The following ATG2B variants were observed in gnomAD, a reference collection of about 807,000 sequenced individuals.
ATG2B encodes autophagy related 2B.
A neutral mutation model predicts 241.3 loss-of-function variants in ATG2B; 121 were observed. That is an observed-to-expected ratio of 0.50 (90% CI 0.43 to 0.58). The LOEUF (loss-of-function observed/expected upper bound fraction) is 0.58, where lower values mean the gene tolerates loss of function less well. ATG2B is among the 20% of genes least tolerant of loss of function. ATG2B has a pLI of 0.00. For missense variants in ATG2B, 2,306 were observed against 2,491.6 expected (o/e 0.93, Z 1.59); for synonymous variants, 858 against 876.6 (o/e 0.98, Z 0.37).
At chr14:96,317,070 A>T in intron 20 of ATG2B, 75 bp downstream of exon 20, 1 of 1,298,692 alleles carries the variant, frequency 7.7e-7, no homozygotes. Context: ...TACTTCAATC[A>T]CTAGATATGT....
At chr14:96,332,225 AAAAG>A (rs1455752992) in intron 10 of ATG2B, 76 bp downstream of exon 10, 13 of 1,189,086 alleles carry the variant, frequency 1.1e-5, no homozygotes, top group East Asian at 2.4e-5. Context: ...AAAAAAAAAA[AAAAG>A]AAAGAAAAGC....
chr14:96,309,408 C>T (rs536349099), intron 29 of ATG2B, 45 bp downstream of exon 29: 16 of 1,550,494 alleles, frequency 1.0e-5, no homozygotes, highest in South Asian at 8.6e-5. Context: ...TAAAGTAAGC[C>T]CCAACATTAA....
intron 26 of ATG2B, 65 bp downstream of exon 26, chr14:96,312,024 T>C: frequency 8.1e-7 from 1 of 1,233,756 alleles, no homozygotes; most frequent in Non-Finnish European, 1.2e-6. Flanking sequence ...TTAAAATGCT[T>C]TAAAATTATT....
At chr14:96,340,103 A>ATC (rs1566731488) in intron 6 of ATG2B, among the ~76,000 whole-genome samples, 1 of 103,840 alleles carries the variant, frequency 9.6e-6, no homozygotes, top group Non-Finnish European at 2.0e-5. Context: ...TGCTATATAG[A>ATC]ATATATGATA....
chr14:96,328,304 T>C (rs1166548318), intron 14 of ATG2B, 43 bp downstream of exon 14: 3 of 1,413,414 alleles, frequency 2.1e-6, no homozygotes, highest in South Asian at 1.4e-5. Context: ...CCCTATTAGC[T>C]AACCATAATT....
chr14:96,295,643 A>C, intron 34 of ATG2B, 83 bp from the exon 35 acceptor site: 7 of 876,700 alleles, frequency 8.0e-6, no homozygotes, highest in East Asian at 2.6e-5. Context: ...TCTTAAACTC[A>C]TATATTTTAC....
intron 34 of ATG2B, among the ~76,000 whole-genome samples, chr14:96,298,792 G>A (rs978795774): frequency 6.6e-6 from 1 of 152,174 alleles, no homozygotes; most frequent in East Asian, 1.9e-4. Flanking sequence ...ACGTCTTCAC[G>A]GTAAGGAAAA....
chr14:96,317,091 A>T, intron 20 of ATG2B, 54 bp downstream of exon 20: 12 of 1,456,704 alleles, frequency 8.2e-6, no homozygotes, highest in Non-Finnish European at 1.1e-5. Flanking sequence ...ATCCTAGCAG[A>T]TTTATTTAAA....
Position 96,289,420 on chromosome 14 carries a change from T to C in ATG2B, c.6006+236A>G. ...ATCACTCCCTGAGTGCTTCTGCAGG[T>C]GAAGAGAGAGAATCCATCCACCCAC... On this transcript the variant is annotated intron_variant, in intron 41 of 41. Transcript: ENST00000359933. This position sits in a 1 kb window ranked among gnomAD's most constrained non-coding sequence, Gnocchi z 4.3. 2.4e-6 allele frequency: 1 copy of C among 414,160 alleles called. No homozygotes were observed. The highest frequency in any genetic ancestry group is 4.3e-5 in the East Asian group (1 of 23,166). 25.7% of individuals were successfully genotyped at this position (414,160 alleles called of 1,614,324 possible).
In ATG2B at chr14:96,281,694, T is replaced by G. The variant is rs540062611; in HGVS notation, c.*4061A>C. Reference sequence around the variant, plus strand: ...AGGGAGGTGCTGCTACCCGGGACATTAGAGATATAACTGAGCCAGCTGAGA... The same window carrying G: ...AGGGAGGTGCTGCTACCCGGGACATGAGAGATATAACTGAGCCAGCTGAGA... On this transcript the variant is annotated 3_prime_UTR_variant, in exon 42 of 42. Transcript: ENST00000359933. The G allele has an allele frequency of 6.6e-6, 1 of 152,212 alleles. No individual in the cohort carries two copies. Among genetic ancestry groups the G allele is most frequent in the Non-Finnish European group, 1.5e-5 (1 of 68,034 alleles). 9.4% of individuals were successfully genotyped at this position (152,212 alleles called of 1,614,324 possible).
At chr14:96,327,222 G>A (rs1272273689) in intron 14 of ATG2B, among the ~76,000 whole-genome samples, 1 of 90,450 alleles carries the variant, frequency 1.1e-5, no homozygotes, top group African/African-American at 4.5e-5. Context: ...GGCAACAGAT[G>A]TCTGTCTCAA....
rs141344199 is a variant in ATG2B, at chr14:96,297,676, C to T, written c.5140-2116G>A. Among the ~76,000 whole-genome samples the T allele has an allele frequency of 8.3e-3, 1,270 of 152,268 alleles. 16 individuals are homozygous for T. The highest frequency in any genetic ancestry group is 0.029 in the African/African-American group (1,207 of 41,556). ...CCTCCCAAAGTGCTGAGATTACAGG[C>T]GTGAGCCACCGCACCCGGCCACTAA... On this transcript the variant is annotated intron_variant, in intron 34 of 41. Transcript: ENST00000359933.
In ATG2B at chr14:96,315,637, C is replaced by T. The variant is rs569105019; in HGVS notation, c.3362-54G>A. ...TAACAAAATGATTACTTGAAATTAGCTAATCAACTTACATGACTCAAAACA... is the reference window on the plus strand; with the variant it reads ...TAACAAAATGATTACTTGAAATTAGTTAATCAACTTACATGACTCAAAACA... On this transcript the variant is annotated intron_variant, in intron 21 of 41. Coordinates refer to ENST00000359933, the MANE Select transcript of ATG2B (RefSeq NM_018036.7). The T allele has an allele frequency of 5.3e-5, 75 of 1,424,894 alleles. 1 individual carries two copies. The South Asian group carries it at 8.6e-4, about 16-fold the overall frequency. The allele number at this position is 1,424,894 out of a possible 1,614,324, so 88.3% of individuals were successfully genotyped here.
intron 30 of ATG2B, 124 bp downstream of exon 30, chr14:96,306,590 A>T (rs889795288): frequency 4.3e-5 from 17 of 392,270 alleles, no homozygotes; most frequent in African/African-American, 3.7e-4. Context: ...TAGTATATTA[A>T]AAAAAAAAAA....
intron 28 of ATG2B, among the ~76,000 whole-genome samples, chr14:96,310,451 GA>G (rs1158411603): frequency 6.6e-6 from 1 of 152,054 alleles, no homozygotes; most frequent in Non-Finnish European, 1.5e-5. Flanking sequence ...CAATGAAAAA[GA>G]AAAAATGCTA....
At chr14:96,329,006 C>G (rs1395757394) in intron 12 of ATG2B, among the ~76,000 whole-genome samples, 2 of 152,212 alleles carry the variant, frequency 1.3e-5, no homozygotes, top group Admixed American at 1.3e-4. Context: ...AAATAAAACA[C>G]TATAAAGGGT....
At chr14:96,342,438 T>C (rs1027586738) in intron 5 of ATG2B, among the ~76,000 whole-genome samples, 8 of 152,164 alleles carry the variant, frequency 5.3e-5, no homozygotes, top group Non-Finnish European at 4.4e-5. Flanking sequence ...GAAACATAAA[T>C]GGGCCAGACG....
intron 34 of ATG2B, among the ~76,000 whole-genome samples, 167 bp from the exon 35 acceptor site, chr14:96,295,727 C>CCACACACACACACATA (rs1555364419): frequency 6.9e-6 from 1 of 145,758 alleles, no homozygotes; most frequent in African/African-American, 2.6e-5. Flanking sequence ...CTTCCCCCCA[C>CCACACACACACACATA]CACACACACA....
chr14:96,288,115 C>G (rs554373715), intron 41 of ATG2B, among the ~76,000 whole-genome samples: 2 of 152,208 alleles, frequency 1.3e-5, no homozygotes, highest in Admixed American at 1.3e-4. Flanking sequence ...TTCCCTCATT[C>G]TTCCTAGTGA....
Sources: gnomAD v4.1 joint callset for allele counts (sites outside exome capture counted in the v4.1 genomes callset) on GRCh38, gnomAD v4.1.1 for gene constraint, Gnocchi (gnomAD v3.1) non-coding constraint, MANE v1.5 for transcripts, NCBI Gene and HGNC (gene_info 2026-07-23, HGNC 2026-07-21) for gene names.